ITSN2: variants seen among roughly 807,000 people sequenced by gnomAD.
ITSN2 encodes the protein intersectin 2.
Under a neutral mutation model 243.7 loss-of-function variants are expected in ITSN2, and 156 were observed. The observed-to-expected ratio is 0.64, with a 90% CI of 0.56 to 0.73. The LOEUF (loss-of-function observed/expected upper bound fraction) is 0.73, where lower values mean the gene tolerates loss of function less well. Among genes scored for constraint, ITSN2 ranks in the 30% least tolerant of loss-of-function variants. The pLI is 0.00. For missense variants in ITSN2, 1,801 were observed against 1,996.1 expected, an observed-to-expected ratio of 0.90 and a Z score of 1.86; for synonymous variants, 703 against 699.9, an observed-to-expected ratio of 1.00 and a Z score of -0.07.
intron 29 of ITSN2, among the ~76,000 whole-genome samples, chr2:24,242,853 T>C (rs1672892946): frequency 6.6e-6 from 1 of 152,168 alleles, no homozygotes; most frequent in Non-Finnish European, 1.5e-5. Context: ...ATTCAGTTTT[T>C]AGATCTGATT....
At chr2:24,259,094 C>T (rs1358753279) in intron 22 of ITSN2, among the ~76,000 whole-genome samples, 1 of 152,194 alleles carries the variant, frequency 6.6e-6, no homozygotes, top group African/African-American at 2.4e-5. Context: ...CAAGCTGTCC[C>T]TAATACACAT....
At chr2:24,227,583 A>G (rs1420206792) in intron 29 of ITSN2, among the ~76,000 whole-genome samples, 1 of 152,202 alleles carries the variant, frequency 6.6e-6, no homozygotes, top group African/African-American at 2.4e-5. Context: ...TAGTAAACCT[A>G]AAAACAGATG....
intron 8 of ITSN2, among the ~76,000 whole-genome samples, chr2:24,305,191 G>A (rs1484807646): frequency 6.6e-6 from 1 of 152,110 alleles, no homozygotes; most frequent in East Asian, 1.9e-4. Flanking sequence ...GTATTCCTGT[G>A]CCTAAGAGAG....
intron 2 of ITSN2, among the ~76,000 whole-genome samples, chr2:24,315,644 G>A (rs1179141141): frequency 2.0e-5 from 3 of 152,192 alleles, no homozygotes; most frequent in Non-Finnish European, 4.4e-5. Flanking sequence ...CCACGTGTCA[G>A]AGGAGGGGCC....
upstream of ITSN2, among the ~76,000 whole-genome samples, chr2:24,361,050 C>T (rs1175803918): frequency 1.3e-5 from 2 of 152,166 alleles, no homozygotes; most frequent in African/African-American, 4.8e-5. Context: ...CTCTTGAACC[C>T]TTCTCAGGGA....
intron 17 of ITSN2, among the ~76,000 whole-genome samples, chr2:24,279,196 G>C (rs1678431495): frequency 6.6e-6 from 1 of 152,084 alleles, no homozygotes; most frequent in Non-Finnish European, 1.5e-5. Context: ...AATCCAACTT[G>C]GTCATGGCAG....
chr2:24,260,948 T>A (rs1042628497), intron 22 of ITSN2, among the ~76,000 whole-genome samples, 158 bp downstream of exon 22: 1 of 150,176 alleles, frequency 6.7e-6, no homozygotes, highest in Non-Finnish European at 1.5e-5. Context: ...TAAGTAATAG[T>A]CATTTCTTCA....
chr2:24,263,336 C>T (rs1676161591), intron 20 of ITSN2, among the ~76,000 whole-genome samples: 1 of 152,136 alleles, frequency 6.6e-6, no homozygotes, highest in African/African-American at 2.4e-5. Flanking sequence ...ATTTTCCATA[C>T]CTTTCTAAAA....
At chr2:24,294,401 G>A (rs550290948) in intron 14 of ITSN2, among the ~76,000 whole-genome samples, 2 of 152,324 alleles carry the variant, frequency 1.3e-5, no homozygotes, top group South Asian at 4.1e-4. Flanking sequence ...ACTCCAGCCT[G>A]GGTGACAGAG....
At chr2:24,222,160 C>G (rs1347240346) in intron 29 of ITSN2, among the ~76,000 whole-genome samples, 1 of 144,482 alleles carries the variant, frequency 6.9e-6, no homozygotes, top group Admixed American at 7.4e-5. Context: ...GCTGAGGCAG[C>G]AGAATGGTGT....
chr2:24,267,382 A>AT (rs1379118046), intron 20 of ITSN2, among the ~76,000 whole-genome samples: 4 of 19,876 alleles, frequency 2.0e-4, no homozygotes, highest in East Asian at 2.7e-3. Context: ...CTTAAAGTAT[A>AT]AAAAAAAAAA....
In ITSN2 at chr2:24,282,393, C is replaced by A. The variant is rs796640315; in HGVS notation, c.1944+2370G>T. 8.5e-5 allele frequency among the ~76,000 whole-genome samples: 13 copies of A among 152,334 alleles called. 1 individual carries two copies. The highest frequency in any genetic ancestry group is 2.2e-4 in the African/African-American group (9 of 41,576). On this transcript the variant is annotated intron_variant, in intron 17 of 39. Transcript: ENST00000355123. ...AAAACCGTCTCCCTTCTGGCTCCCC[C>A]ATCTGCTGAGAGCTACTTCTACTCA...
chr2:24,241,625 A>AT (rs1672739278), intron 29 of ITSN2: 2 of 152,626 alleles, frequency 1.3e-5, no homozygotes, highest in African/African-American at 4.8e-5. Flanking sequence ...GCCTTTAAAC[A>AT]AATCTAAATG....
chr2:24,331,550 GACTTTAACAC>G (rs1685785393), intron 1 of ITSN2, among the ~76,000 whole-genome samples: 1 of 152,200 alleles, frequency 6.6e-6, no homozygotes, highest in Admixed American at 6.5e-5. Context: ...GGGATTCCCT[GACTTTAACAC>G]ACATGGCCAC....
chr2:24,252,905 A>G (rs1302364932), intron 24 of ITSN2, among the ~76,000 whole-genome samples: 1 of 152,196 alleles, frequency 6.6e-6, no homozygotes, highest in Non-Finnish European at 1.5e-5. Context: ...TTTTTATACC[A>G]GAAATAGTTT....
At chr2:24,355,853 T>C (rs570951871) in intron 1 of ITSN2, among the ~76,000 whole-genome samples, 3 of 151,946 alleles carry the variant, frequency 2.0e-5, no homozygotes, top group African/African-American at 7.2e-5. Context: ...TCACCTGAGG[T>C]CAGGAATTCC....
At position 24,271,924 on chromosome 2, in the gene ITSN2, T is replaced by A; in HGVS notation, c.2099A>T (p.Lys700Ile). 6.4e-7 allele frequency: 1 copy of A among 1,570,400 alleles called. No homozygotes were observed. Among genetic ancestry groups the A allele is most frequent in the Non-Finnish European group, 8.6e-7 (1 of 1,159,542 alleles). Reference protein sequence around the residue: ...DEAARKAKQGKENLWKENLRK... With the variant: ...DEAARKAKQGIENLWKENLRK... ...AAGATTTTCTTTCCATAAGTTTTCTTTTCCTTGCTTTGCTTTCCTTTACAT... is the reference window on the plus strand; with the variant it reads ...AAGATTTTCTTTCCATAAGTTTTCTATTCCTTGCTTTGCTTTCCTTTACAT... The change falls in exon 19 of 40, where the codon AAA becomes ATA. Residue 700 changes from lysine to isoleucine, a missense_variant. By Grantham distance (102) the Lys-to-Ile change is moderately radical. This residue lies in a region of ITSN2 where 787 missense variants were observed against 803.9 expected (regional missense o/e 0.98). Transcript: ENST00000355123.
chr2:24,299,026 CT>C (rs1181200021), intron 12 of ITSN2, among the ~76,000 whole-genome samples: 1,533 of 124,292 alleles, frequency 0.012, 15 homozygotes, highest in African/African-American at 0.039. Flanking sequence ...TTCACGAGAT[CT>C]TTTTTTTTTT....
chr2:24,251,015 C>T (rs898976696), intron 25 of ITSN2, among the ~76,000 whole-genome samples: 7 of 151,562 alleles, frequency 4.6e-5, no homozygotes, highest in African/African-American at 1.7e-4. Flanking sequence ...TATGGTGAAA[C>T]CCCGTCTCTA....
Sources: gnomAD v4.1 joint callset for allele counts (sites outside exome capture counted in the v4.1 genomes callset) on GRCh38, gnomAD v4.1.1 for gene constraint, gnomAD v4.1.1 regional missense constraint, MANE v1.5 for transcripts, NCBI Gene and HGNC (gene_info 2026-07-23, HGNC 2026-07-21) for gene names.